The following SGCD variants were observed in gnomAD, a reference collection of about 807,000 sequenced individuals.
SGCD encodes sarcoglycan delta, also known as delta-sarcoglycan.
A neutral mutation model predicts 36.6 loss-of-function variants in SGCD; 18 were observed. The ratio of observed to expected loss-of-function variants is 0.49; its 90% CI spans 0.34 to 0.73. The LOEUF (loss-of-function observed/expected upper bound fraction) is 0.73, where lower values mean the gene tolerates loss of function less well. Ranked by LOEUF, SGCD falls within the 30% of genes least tolerant of loss-of-function variation. SGCD has a pLI of 0.01. For synonymous variants in SGCD, 133 were observed against 130.6 expected, an observed-to-expected ratio of 1.02 and a Z score of -0.12; for missense variants, 387 against 346.7, an observed-to-expected ratio of 1.12 and a Z score of -0.92.
At chr5:156,103,185 G>T (rs879655149) in intron 1 of SGCD, among the ~76,000 whole-genome samples, 1 of 152,136 alleles carries the variant, frequency 6.6e-6, no homozygotes, top group Non-Finnish European at 1.5e-5. Context: ...AGATTCCCAT[G>T]ATATCAGAAT....
At chr5:156,403,381 T>C (rs866076859) in intron 3 of SGCD, among the ~76,000 whole-genome samples, 19 of 152,312 alleles carry the variant, frequency 1.2e-4, no homozygotes, top group Middle Eastern at 3.4e-3. Flanking sequence ...AGCAAAGGCC[T>C]TGGGCATAGG....
At chr5:156,253,896 T>C (rs1483290474) in intron 3 of SGCD, among the ~76,000 whole-genome samples, 1 of 152,200 alleles carries the variant, frequency 6.6e-6, no homozygotes, top group Non-Finnish European at 1.5e-5. Flanking sequence ...CTAAATTTTC[T>C]TGGAATGTTA....
At chr5:156,733,840 G>A (rs1023091001) in intron 7 of SGCD, among the ~76,000 whole-genome samples, 2 of 152,076 alleles carry the variant, frequency 1.3e-5, no homozygotes, top group Non-Finnish European at 2.9e-5. Flanking sequence ...TTCCTTAGTA[G>A]ACTTTCCTCC....
intron 3 of SGCD, among the ~76,000 whole-genome samples, chr5:156,345,121 A>G (rs1440045552): frequency 6.6e-6 from 1 of 152,170 alleles, no homozygotes. Flanking sequence ...AATTTTAACT[A>G]TTTATGCTTG....
chr5:156,515,399 T>G (rs1004399155), intron 4 of SGCD, among the ~76,000 whole-genome samples: 4 of 152,098 alleles, frequency 2.6e-5, no homozygotes, highest in African/African-American at 4.8e-5. Flanking sequence ...GGATGGCTGC[T>G]CCCACTGAGA....
At chr5:156,598,021 G>T in intron 6 of SGCD, among the ~76,000 whole-genome samples, 1 of 152,140 alleles carries the variant, frequency 6.6e-6, no homozygotes, top group East Asian at 1.9e-4. Flanking sequence ...CTCATTTTCA[G>T]AAGGGGAACA....
intron 3 of SGCD, among the ~76,000 whole-genome samples, chr5:156,278,446 T>C (rs1438126852): frequency 6.6e-6 from 1 of 152,168 alleles, no homozygotes; most frequent in African/African-American, 2.4e-5. Context: ...GAGATGCTGA[T>C]GACTCAATCT....
At chr5:156,507,383 T>C (rs1017493907) in intron 3 of SGCD, among the ~76,000 whole-genome samples, 2 of 152,200 alleles carry the variant, frequency 1.3e-5, no homozygotes, top group Admixed American at 6.5e-5. Flanking sequence ...TGATTCTCCC[T>C]TTAGAGCCTC....
chr5:155,790,779 C>T, the SGCD span, among the ~76,000 whole-genome samples: 1 of 152,054 alleles, frequency 6.6e-6, no homozygotes, highest in Non-Finnish European at 1.5e-5. Context: ...CATACATACT[C>T]AGGGCAGCAT....
intron 7 of SGCD, among the ~76,000 whole-genome samples, chr5:156,699,190 C>T (rs1257989882): frequency 6.6e-6 from 1 of 152,148 alleles, no homozygotes; most frequent in African/African-American, 2.4e-5. Flanking sequence ...TGCTTGATGG[C>T]TGTCTAGACA....
intron 1 of SGCD, among the ~76,000 whole-genome samples, chr5:155,947,814 G>A (rs910008958): frequency 6.6e-6 from 1 of 152,060 alleles, no homozygotes; most frequent in African/African-American, 2.4e-5. Context: ...TAGTGACTCA[G>A]CAGAAGAGAT....
chr5:156,193,305 T>G (rs1581160317), intron 3 of SGCD, among the ~76,000 whole-genome samples: 1 of 152,284 alleles, frequency 6.6e-6, no homozygotes, highest in East Asian at 1.9e-4. Flanking sequence ...GAACGCGTGC[T>G]TTTTCCCTGC....
chr5:156,133,951 AC>A (rs1561533588), intron 3 of SGCD, among the ~76,000 whole-genome samples: 8 of 144,524 alleles, frequency 5.5e-5, no homozygotes, highest in African/African-American at 2.0e-4. Flanking sequence ...ACACACACAC[AC>A]ACACACACAG....
At chr5:155,858,998 A>G in the SGCD span, among the ~76,000 whole-genome samples, 1 of 151,894 alleles carries the variant, frequency 6.6e-6, no homozygotes, top group African/African-American at 2.4e-5. Context: ...CATCAGTTAA[A>G]TAGGGCATTG....
upstream of SGCD, among the ~76,000 whole-genome samples, chr5:156,323,985 C>T (rs1316043579): frequency 3.3e-5 from 5 of 152,212 alleles, no homozygotes; most frequent in Admixed American, 1.3e-4. Context: ...CATTATTTCA[C>T]GTAATCCTCA....
At chr5:156,298,598 G>GAGAC (rs1306590657) in intron 3 of SGCD, among the ~76,000 whole-genome samples, 9 of 99,920 alleles carry the variant, frequency 9.0e-5, no homozygotes, top group Non-Finnish European at 1.6e-4. Context: ...TTTTTTTTTG[G>GAGAC]AGACAGAGTT....
At chr5:156,629,134 A>T (rs1428871108) in intron 6 of SGCD, among the ~76,000 whole-genome samples, 1 of 152,256 alleles carries the variant, frequency 6.6e-6, no homozygotes, top group African/African-American at 2.4e-5. Flanking sequence ...ATAAAATAGT[A>T]TAGGTAAAGT....
chr5:155,802,695 C>G, the SGCD span, among the ~76,000 whole-genome samples: 1 of 152,172 alleles, frequency 6.6e-6, no homozygotes, highest in Non-Finnish European at 1.5e-5. Context: ...GTGTCTAAGT[C>G]ATTTCATTCA....
chr5:156,028,772 C>T (rs1288306970), intron 1 of SGCD, among the ~76,000 whole-genome samples: 1 of 152,106 alleles, frequency 6.6e-6, no homozygotes, highest in African/African-American at 2.4e-5. Context: ...AATATTTTCT[C>T]TGAATCACAA....
Sources: gnomAD v4.1 joint callset for allele counts (sites outside exome capture counted in the v4.1 genomes callset) on GRCh38, gnomAD v4.1.1 for gene constraint, MANE v1.5 for transcripts, NCBI Gene and HGNC (gene_info 2026-07-23, HGNC 2026-07-21) for gene names.